Variants in TMCC1 observed in about 807,000 individuals in gnomAD.
TMCC1 encodes transmembrane and coiled-coil domain family 1, also known as transmembrane and coiled-coil domains protein 1.
TMCC1 carries 15 observed loss-of-function variants against 52.4 expected under a neutral mutation model. That is an observed-to-expected ratio of 0.29 (90% CI 0.19 to 0.44). The LOEUF (loss-of-function observed/expected upper bound fraction) is 0.44, where lower values mean the gene tolerates loss of function less well. Among genes scored for constraint, TMCC1 ranks in the 20% least tolerant of loss-of-function variants. The probability of loss-of-function intolerance (pLI) is 1.00; values close to 1 mark genes in which losing one functional copy is unlikely to be tolerated. For missense variants in TMCC1, 503 were observed against 806.0 expected, an observed-to-expected ratio of 0.62 and a Z score of 4.55; for synonymous variants, 279 against 301.9, an observed-to-expected ratio of 0.92 and a Z score of 0.79.
chr3:129,850,171 C>T (rs772203752), intron 2 of TMCC1, among the ~76,000 whole-genome samples: 26 of 152,248 alleles, frequency 1.7e-4, no homozygotes, highest in Admixed American at 2.6e-4. Flanking sequence ...TATGGAATGT[C>T]CTATTCTCCT....
At chr3:129,713,094 T>A (rs1225381927) in intron 4 of TMCC1, among the ~76,000 whole-genome samples, 2 of 151,738 alleles carry the variant, frequency 1.3e-5, no homozygotes, top group South Asian at 4.2e-4. Flanking sequence ...AGACCCTGAC[T>A]CTACAAAAAA....
At chr3:129,745,348 T>C (rs2051839982) in intron 4 of TMCC1, among the ~76,000 whole-genome samples, 1 of 152,248 alleles carries the variant, frequency 6.6e-6, no homozygotes, top group Non-Finnish European at 1.5e-5. Context: ...GCACAGAGAA[T>C]AACACCAACA....
intron 4 of TMCC1, among the ~76,000 whole-genome samples, chr3:129,716,887 G>C (rs2107583260): frequency 6.6e-6 from 1 of 152,260 alleles, no homozygotes; most frequent in South Asian, 2.1e-4. Flanking sequence ...CTTTATACCA[G>C]ACCTCACTAT....
intron 2 of TMCC1, among the ~76,000 whole-genome samples, chr3:129,865,316 A>ATT (rs113450240): frequency 5.0e-5 from 7 of 139,954 alleles, no homozygotes; most frequent in Non-Finnish European, 7.8e-5. Flanking sequence ...ACACCACATC[A>ATT]TTTTTTTTTT....
chr3:129,821,703 T>A (rs1399695626), intron 4 of TMCC1, among the ~76,000 whole-genome samples: 2 of 152,088 alleles, frequency 1.3e-5, no homozygotes, highest in East Asian at 3.8e-4. Context: ...CTGTTTTCCA[T>A]CCCACCCTCA....
intron 4 of TMCC1, among the ~76,000 whole-genome samples, chr3:129,705,530 TTTTA>T (rs1342608403): frequency 2.6e-5 from 4 of 152,182 alleles, no homozygotes; most frequent in Non-Finnish European, 4.4e-5. Flanking sequence ...CAAATCTTGA[TTTTA>T]TTTATCAGAA....
chr3:129,670,150 C>T (rs1027688229), intron 5 of TMCC1, among the ~76,000 whole-genome samples, 180 bp downstream of exon 5: 11 of 152,120 alleles, frequency 7.2e-5, no homozygotes, highest in African/African-American at 1.2e-4. Context: ...TAAACTGGCA[C>T]GAAAGACTGG....
At chr3:129,686,980 A>G (rs2089451910) in intron 4 of TMCC1, among the ~76,000 whole-genome samples, 1 of 152,270 alleles carries the variant, frequency 6.6e-6, no homozygotes, top group African/African-American at 2.4e-5. Flanking sequence ...GGATTTATCT[A>G]TTCACTGCTT....
chr3:129,838,780 G>T (rs1057415298), intron 2 of TMCC1, among the ~76,000 whole-genome samples: 1 of 139,920 alleles, frequency 7.1e-6, no homozygotes, highest in Non-Finnish European at 1.5e-5. Context: ...AAAAAAAAAA[G>T]GATATCTAGG....
At chr3:129,872,322 T>C (rs1232059925) in intron 2 of TMCC1, among the ~76,000 whole-genome samples, 1 of 152,162 alleles carries the variant, frequency 6.6e-6, no homozygotes, top group Non-Finnish European at 1.5e-5. Context: ...ACACAGGAAG[T>C]GCACTCAAAA....
intron 4 of TMCC1, among the ~76,000 whole-genome samples, chr3:129,683,110 C>T (rs2089138131): frequency 6.6e-6 from 1 of 152,262 alleles, no homozygotes; most frequent in African/African-American, 2.4e-5. Context: ...GCTGGGATTA[C>T]AGGCATGAGC....
At chr3:129,785,627 C>T (rs961388474) in intron 4 of TMCC1, among the ~76,000 whole-genome samples, 1 of 151,852 alleles carries the variant, frequency 6.6e-6, no homozygotes, top group Non-Finnish European at 1.5e-5. Context: ...GGAGTAGTTA[C>T]ACTCAGGTGT....
At chr3:129,850,038 A>C (rs1577081686) in intron 2 of TMCC1, among the ~76,000 whole-genome samples, 1 of 152,254 alleles carries the variant, frequency 6.6e-6, no homozygotes, top group South Asian at 2.1e-4. Context: ...GTATTTTACC[A>C]ACATTCTGCA....
chr3:129,728,293 G>T (rs1433050520), intron 4 of TMCC1, among the ~76,000 whole-genome samples: 1 of 152,014 alleles, frequency 6.6e-6, no homozygotes, highest in Non-Finnish European at 1.5e-5. Context: ...TTTTTTTGTT[G>T]TTGTTGTTCT....
intron 4 of TMCC1, among the ~76,000 whole-genome samples, chr3:129,745,192 A>G (rs1354371984): frequency 6.6e-6 from 1 of 152,258 alleles, no homozygotes; most frequent in Non-Finnish European, 1.5e-5. Flanking sequence ...ATTCAAAAGT[A>G]CAAAAACAAA....
intron 4 of TMCC1, among the ~76,000 whole-genome samples, chr3:129,721,100 T>C (rs973715830): frequency 2.0e-5 from 3 of 152,178 alleles, no homozygotes; most frequent in African/African-American, 7.2e-5. Flanking sequence ...TCTTAATTAT[T>C]GCTCTAATCA....
Position 129,651,867 on chromosome 3 carries a change from G to A in TMCC1, c.1648-72C>T. ...TCTGAGATGCTGACATGCCCCCTGG[G>A]CAAGCCAGATGCATCTTGAGCAATG... On this transcript the variant is annotated intron_variant, in intron 6 of 6. Transcript: ENST00000393238. The surrounding 1 kb of genome is among the most constrained non-coding windows in gnomAD (Gnocchi z 5.1). The A allele has an allele frequency of 6.7e-7, 1 of 1,503,200 alleles. No individual in the cohort carries two copies. 93.1% of individuals were successfully genotyped at this position (1,503,200 alleles called of 1,614,324 possible).
At chr3:129,746,345 A>AT (rs66466206) in intron 4 of TMCC1, among the ~76,000 whole-genome samples, 68 of 144,996 alleles carry the variant, frequency 4.7e-4, no homozygotes, top group African/African-American at 1.2e-3. Context: ...TCATTTTTGT[A>AT]TTTTTTTTTT....
chr3:129,824,007 A>C (rs776645142), intron 4 of TMCC1, among the ~76,000 whole-genome samples: 7 of 152,302 alleles, frequency 4.6e-5, no homozygotes, highest in Non-Finnish European at 8.8e-5. Flanking sequence ...AAAGGCTCTG[A>C]ACAGAAAGAA....
Sources: gnomAD v4.1 joint callset for allele counts (sites outside exome capture counted in the v4.1 genomes callset) on GRCh38, gnomAD v4.1.1 for gene constraint, Gnocchi (gnomAD v3.1) non-coding constraint, MANE v1.5 for transcripts, NCBI Gene and HGNC (gene_info 2026-07-23, HGNC 2026-07-21) for gene names.